The following PRKDC variants were observed in gnomAD, a reference collection of about 807,000 sequenced individuals.
PRKDC encodes the protein protein kinase, DNA-activated, catalytic subunit, also known as DNA-dependent protein kinase catalytic subunit.
A neutral mutation model predicts 486.9 loss-of-function variants in PRKDC; 82 were observed. That is an observed-to-expected ratio of 0.17 (90% confidence interval 0.14 to 0.20). PRKDC has a LOEUF of 0.20. PRKDC is among the 10% of genes least tolerant of loss of function. The pLI is 1.00. For missense variants in PRKDC, 4,504 were observed against 5,038.2 expected, an observed-to-expected ratio of 0.89 and a Z score of 3.21; for synonymous variants, 1,895 against 1,837.0, an observed-to-expected ratio of 1.03 and a Z score of -0.81.
Position 47,834,294 on chromosome 8 carries a change from C to G in PRKDC, c.8054G>C (p.Ser2685Thr). ...CAAGGGTGCTCTCTGTAACCTTTCA[C>G]TCCTCTTGTGGGCAAACAGCAAGGA... The part of the protein sequence containing the change: ...SDSLLFAHKR[S>T]ERLQRAPLKS... Residue 2685 changes from serine to threonine, a missense_variant, in exon 59 of 86, where the codon AGT (serine) becomes ACT (threonine). This residue lies in a region of PRKDC where 1,592 missense variants were observed against 1,724.6 expected (regional missense o/e 0.92). Coordinates refer to ENST00000314191, the MANE Select transcript of PRKDC (RefSeq NM_006904.7). 1.2e-6 allele frequency: 2 copies of G among 1,614,010 alleles called. No homozygotes were observed. The highest frequency in any genetic ancestry group is 4.5e-5 in the East Asian group (2 of 44,872).
intron 48 of PRKDC, 107 bp downstream of exon 48, chr8:47,858,409 G>C (rs1164713156): frequency 8.9e-7 from 1 of 1,128,640 alleles, no homozygotes; most frequent in African/African-American, 1.6e-5. Context: ...CCTTTTTTGT[G>C]TGTGTTTTTA....
At chr8:47,880,233 G>A (rs1266247926) in intron 38 of PRKDC, among the ~76,000 whole-genome samples, 3 of 152,086 alleles carry the variant, frequency 2.0e-5, no homozygotes, top group Admixed American at 6.6e-5. Context: ...GTGCTGATTC[G>A]GTATGTGCTT....
chr8:47,900,045 A>G (rs913979275), intron 28 of PRKDC, among the ~76,000 whole-genome samples: 9 of 152,304 alleles, frequency 5.9e-5, no homozygotes, highest in Admixed American at 5.2e-4. Flanking sequence ...CTTCAGCACC[A>G]TATCTGCACA....
At chr8:47,938,827 G>A (rs552195815) in intron 11 of PRKDC, among the ~76,000 whole-genome samples, 5 of 152,270 alleles carry the variant, frequency 3.3e-5, no homozygotes, top group African/African-American at 7.2e-5. Flanking sequence ...CTCCCAAAGC[G>A]GTGAGATGGT....
chr8:47,827,118 TCACACACACACACACACACACACACACA>T (rs61385951), intron 62 of PRKDC, among the ~76,000 whole-genome samples: 2 of 128,146 alleles, frequency 1.6e-5, no homozygotes, highest in Admixed American at 7.9e-5. Flanking sequence ...AATATGAAGA[TCACACACACACACACACACACACACACA>T]CACACACACA....
rs2154499870 is a variant in PRKDC at position 47,840,193 on chromosome 8, T to C, written c.7281-4A>G. On this transcript the variant is annotated splice_polypyrimidine_tract_variant and splice_region_variant and intron_variant, in intron 54 of 85. Transcript: ENST00000314191. ...TACTTTTTGTCTTTCATCATCTCTA[T>C]GGGAGAGATTTTAAAAACACACAAA... is the stretch of plus-strand genomic sequence containing the variant. 6.4e-7 allele frequency: 1 copy of C among 1,567,174 alleles called. No individual in the cohort carries two copies. The highest frequency in any genetic ancestry group is 8.7e-7 in the Non-Finnish European group (1 of 1,152,710).
intron 76 of PRKDC, among the ~76,000 whole-genome samples, chr8:47,788,349 C>T (rs1478268543): frequency 2.0e-5 from 3 of 152,226 alleles, no homozygotes; most frequent in Non-Finnish European, 4.4e-5. Flanking sequence ...AGTCTACTTG[C>T]TCCATCATTC....
At chr8:47,952,195 A>AC (rs1192193943) in intron 7 of PRKDC, among the ~76,000 whole-genome samples, 1 of 152,372 alleles carries the variant, frequency 6.6e-6, no homozygotes, top group East Asian at 1.9e-4. Flanking sequence ...ACTGAGAATA[A>AC]CCAGTAAGTA....
intron 71 of PRKDC, 118 bp from the exon 72 acceptor site, chr8:47,799,508 G>A: frequency 9.9e-7 from 1 of 1,014,778 alleles, no homozygotes; most frequent in Non-Finnish European, 1.3e-6. Context: ...TAACACTGAA[G>A]CTATGGAACT....
intron 25 of PRKDC, among the ~76,000 whole-genome samples, chr8:47,906,376 G>GTAAT (rs1166992089): frequency 4.6e-5 from 7 of 152,076 alleles, no homozygotes; most frequent in Non-Finnish European, 7.3e-5. Flanking sequence ...CAGGCACGAT[G>GTAAT]TAATCCCAGC....
intron 54 of PRKDC, among the ~76,000 whole-genome samples, chr8:47,847,538 T>C (rs1213845626): frequency 6.6e-6 from 1 of 152,120 alleles, no homozygotes; most frequent in African/African-American, 2.4e-5. Flanking sequence ...ATTACAAAAA[T>C]ACTAGAAGAA....
At chr8:47,894,842 G>C (rs2089543418) in intron 30 of PRKDC, among the ~76,000 whole-genome samples, 1 of 152,172 alleles carries the variant, frequency 6.6e-6, no homozygotes, top group Admixed American at 6.5e-5. Flanking sequence ...AGCCAAGGCA[G>C]GAGGACTGCT....
At chr8:47,788,136 T>C (rs1466127808) in intron 76 of PRKDC, among the ~76,000 whole-genome samples, 1 of 152,232 alleles carries the variant, frequency 6.6e-6, no homozygotes, top group Non-Finnish European at 1.5e-5. Flanking sequence ...TGACCCATGC[T>C]AAACAGAGAG....
At chr8:47,791,267 G>A (rs186390982) in intron 74 of PRKDC, among the ~76,000 whole-genome samples, 4 of 152,232 alleles carry the variant, frequency 2.6e-5, no homozygotes, top group Admixed American at 2.0e-4. Context: ...ACGAGGTCAG[G>A]CGTTCGAGAC....
chr8:47,863,615 T>C, intron 41 of PRKDC, 38 bp from the exon 42 acceptor site: 1 of 1,506,452 alleles, frequency 6.6e-7, no homozygotes, highest in Non-Finnish European at 9.2e-7. Flanking sequence ...TTGGTCTTAT[T>C]AAACATGAAA....
Position 47,935,947 on chromosome 8 carries a change from G to T in PRKDC, c.1279-47C>A, listed in dbSNP as rs1403611506. 9 of 1,485,610 alleles carry T rather than the reference G, an allele frequency of 6.1e-6. No individual in the cohort carries two copies. In the South Asian group the frequency reaches 8.6e-5, roughly 14 times the overall value. The allele number at this position is 1,485,610 out of a possible 1,614,324, so 92.0% of individuals were successfully genotyped here. On this transcript the variant is annotated intron_variant, in intron 12 of 85. Transcript: ENST00000314191. The stretch of plus-strand genomic sequence containing the variant: ...CCGTGAGTTAGAGGAGGTAATCAAT[G>T]AATACAGGAATAATACAAATATTCA...
At chr8:47,824,120 C>G (rs562224460) in intron 63 of PRKDC, 124 bp from the exon 64 acceptor site, 1 of 1,030,964 alleles carries the variant, frequency 9.7e-7, no homozygotes, top group Admixed American at 4.0e-5. Context: ...TAAAGTGTTA[C>G]TTTAATTTTG....
chr8:47,806,576 T>C (rs1263419454), intron 69 of PRKDC, among the ~76,000 whole-genome samples: 1 of 152,242 alleles, frequency 6.6e-6, no homozygotes, highest in East Asian at 1.9e-4. Flanking sequence ...CATAGCAAGC[T>C]TCTGTAGTAT....
rs756866332 is a variant in PRKDC, at chr8:47,823,962, G to A, written c.8818C>T (p.Arg2940Cys). The change falls in exon 64 of 86, where the codon CGT becomes TGT. Residue 2940 changes from arginine (R) to cysteine (C), a missense_variant. Arg to Cys is a radical substitution (Grantham distance 180, BLOSUM62 -3). This residue lies in a region of PRKDC where 1,592 missense variants were observed against 1,724.6 expected (regional missense o/e 0.92). Coordinates refer to ENST00000314191, the MANE Select transcript of PRKDC (RefSeq NM_006904.7). ...YRSIGEYDVL[R>C]GIFTSEIGTK... ...CCTATCTCACTGGTAAAAATCCCAC[G>A]GAGGACGTCGTATTCTCCAATTGAT... 2.0e-5 allele frequency: 32 copies of A among 1,613,100 alleles called. No homozygotes were observed. The highest frequency in any genetic ancestry group is 2.5e-5 in the Non-Finnish European group (29 of 1,179,430).
Sources: gnomAD v4.1 joint callset for allele counts (sites outside exome capture counted in the v4.1 genomes callset) on GRCh38, gnomAD v4.1.1 for gene constraint, gnomAD v4.1.1 regional missense constraint, MANE v1.5 for transcripts, NCBI Gene and HGNC (gene_info 2026-07-23, HGNC 2026-07-21) for gene names.